Variants in ATP1A2 observed in about 807,000 individuals in gnomAD.
ATP1A2 encodes the protein ATPase Na+/K+ transporting subunit alpha 2.
ATP1A2 carries 56 observed loss-of-function variants against 113.1 expected under a neutral mutation model. The observed-to-expected ratio is 0.49, with a 90% CI of 0.40 to 0.62. ATP1A2 has a LOEUF of 0.62. ATP1A2 is among the 20% of genes least tolerant of loss of function. The pLI is 0.00. For missense variants in ATP1A2, 712 were observed against 1,357.8 expected (o/e 0.52, Z 7.47); for synonymous variants, 490 against 526.8 (o/e 0.93, Z 0.96).
Position 160,124,405 on chromosome 1 carries a change from G to C in ATP1A2, c.605G>C (p.Arg202Pro). The stretch of plus-strand genomic sequence containing the variant: ...GGAGACCGCGTCCCTGCTGACCTCC[G>C]GATCATCTCTTCTCATGGCTGTAAG... ...KGGDRVPADLRIISSHGCKVD... is the reference protein window; with the variant it reads ...KGGDRVPADLPIISSHGCKVD... The change falls in exon 6 of 23, where the codon CGG becomes CCG. Residue 202 changes from arginine (R) to proline (P), a missense_variant. Coordinates refer to ENST00000361216, the MANE Select transcript of ATP1A2 (RefSeq NM_000702.4). 6.2e-7 allele frequency: 1 copy of C among 1,610,836 alleles called. No individual in the cohort carries two copies.
chr1:160,116,904 G>A (rs1486166252), intron 1 of ATP1A2, among the ~76,000 whole-genome samples: 4 of 152,106 alleles, frequency 2.6e-5, no homozygotes, highest in Non-Finnish European at 4.4e-5. Flanking sequence ...CCTGAGCTAG[G>A]GTTGGAGCCA....
Position 160,130,223 on chromosome 1 carries a change from A to G in ATP1A2, c.1583A>G (p.Asp528Gly). The G allele has an allele frequency of 6.2e-7, 1 of 1,614,226 alleles. No individual in the cohort carries two copies. The highest frequency in any genetic ancestry group is 8.5e-7 in the Non-Finnish European group (1 of 1,180,040). ...ILVQGKEIPL[D>G]KEMQDAFQNA... ...GTGCAGGGCAAGGAGATCCCGCTCG[A>G]CAAGGAGATGCAAGATGCCTTTCAA... Residue 528 changes from aspartate (D) to glycine (G), a missense_variant, in exon 12 of 23, where the codon GAC (aspartate) becomes GGC (glycine). Physicochemically the swap from Asp to Gly is moderately conservative, Grantham distance 94 (BLOSUM62 -1). This residue lies in a region of ATP1A2 where 263 missense variants were observed against 380.6 expected (regional missense o/e 0.69). Coordinates refer to ENST00000361216, the MANE Select transcript of ATP1A2 (RefSeq NM_000702.4).
intron 20 of ATP1A2, among the ~76,000 whole-genome samples, chr1:160,137,832 G>GT (rs1285718073): frequency 6.6e-6 from 1 of 151,796 alleles, no homozygotes; most frequent in East Asian, 1.9e-4. Context: ...GCTGGGGAGG[G>GT]TGGGGAGAAG....
At chr1:160,139,543 A>T in intron 20 of ATP1A2, 97 bp from the exon 21 acceptor site, 30 of 983,862 alleles carry the variant, frequency 3.0e-5, no homozygotes, top group Non-Finnish European at 4.2e-5. Context: ...TGTCGTTTAG[A>T]ATTCTCTCTC....
intron 8 of ATP1A2, among the ~76,000 whole-genome samples, chr1:160,128,145 A>G (rs1205504006): frequency 6.6e-6 from 1 of 152,162 alleles, no homozygotes; most frequent in Admixed American, 6.5e-5. Context: ...TAGCAAATCC[A>G]GGGACCTTTT....
chr1:160,115,838 G>A lies in ATP1A2; in HGVS notation c.-24G>A, dbSNP rs755602176. The A allele has an allele frequency of 2.3e-5, 36 of 1,592,454 alleles. No homozygotes were observed. The African/African-American group carries it at 4.0e-4, about 18-fold the overall frequency. ...CCTCCTGGTGACCTCTCCCGCTAAGGTCCCTCAGCCACTCTGCCCCAAGAT... is the reference window on the plus strand; with the variant it reads ...CCTCCTGGTGACCTCTCCCGCTAAGATCCCTCAGCCACTCTGCCCCAAGAT... On this transcript the variant is annotated 5_prime_UTR_variant, in exon 1 of 23. Transcript: ENST00000361216.
At chr1:160,118,801 G>C (rs1312315441) in intron 1 of ATP1A2, among the ~76,000 whole-genome samples, 1 of 151,964 alleles carries the variant, frequency 6.6e-6, no homozygotes, top group Admixed American at 6.6e-5. Context: ...GTACTGGTCA[G>C]ACTTCTACCT....
At chr1:160,123,910 G>T in intron 4 of ATP1A2, 33 bp from the exon 5 acceptor site, 1 of 1,604,490 alleles carries the variant, frequency 6.2e-7, no homozygotes, top group Non-Finnish European at 8.5e-7. Context: ...TTGGGGGGAA[G>T]GTCAGGTCCC....
In ATP1A2 at chr1:160,130,182, G is replaced by A. The variant is rs41288125; in HGVS notation, c.1542G>A (p.Arg514=). ...MKGAPERILD[R]CSTILVQGKE... is the part of the protein sequence containing the mutation. ...GGGCCCCAGAGCGCATTCTGGACCG[G>A]TGCTCCACCATCCTGGTGCAGGGCA... Residue 514 remains arginine, a synonymous_variant, in exon 12 of 23, where the codon CGG becomes CGA. Transcript: ENST00000361216. 3.7e-6 allele frequency: 6 copies of A among 1,614,098 alleles called. No individual in the cohort carries two copies. The highest frequency in any genetic ancestry group is 3.3e-4 in the Middle Eastern group (2 of 6,084).
intron 6 of ATP1A2, 29 bp downstream of exon 6, chr1:160,124,459 T>G (rs1400432706): frequency 6.3e-7 from 1 of 1,588,132 alleles, no homozygotes; most frequent in South Asian, 1.1e-5. Flanking sequence ...AGCAAGCAGT[T>G]GAGTCTAAGG....
chr1:160,120,952 G>A lies in ATP1A2; in HGVS notation c.59G>A (p.Gly20Asp), dbSNP rs1437032305. The change falls in exon 2 of 23, where the codon GGC (glycine) becomes GAC (aspartate). Residue 20 changes from glycine to aspartate, a missense_variant. Transcript: ENST00000361216. ...GCCGCCACCACGGCAGAGAATGGGG[G>A]CGGCAAGAAGAAACAGAAGGAGAAG... Reference protein sequence around the residue: ...SPAATTAENGGGKKKQKEKEL... With the variant: ...SPAATTAENGDGKKKQKEKEL... The A allele has an allele frequency of 3.7e-6, 6 of 1,611,948 alleles. No homozygotes were observed. The highest frequency in any genetic ancestry group is 5.1e-6 in the Non-Finnish European group (6 of 1,178,932).
At position 160,133,232 on chromosome 1, in the gene ATP1A2, C is replaced by T. The variant is rs375045347; in HGVS notation, c.1828-1252C>T. Among the ~76,000 whole-genome samples the T allele has an allele frequency of 3.3e-5, 5 of 152,144 alleles. No homozygotes were observed. In the South Asian group the frequency reaches 6.2e-4, roughly 19 times the overall value. ...CAGGGTTTCAAGGAGAAGAGGTCAACGGTGCCAAATGCCTCAGAGGGGTCA... is the reference window on the plus strand; with the variant it reads ...CAGGGTTTCAAGGAGAAGAGGTCAATGGTGCCAAATGCCTCAGAGGGGTCA... On this transcript the variant is annotated intron_variant, in intron 13 of 22. Coordinates refer to ENST00000361216, the MANE Select transcript of ATP1A2 (RefSeq NM_000702.4).
At chr1:160,123,183 G>A (rs763526997) in intron 3 of ATP1A2, 30 bp from the exon 4 acceptor site, 17 of 1,612,886 alleles carry the variant, frequency 1.1e-5, no homozygotes, top group East Asian at 6.7e-5. Flanking sequence ...CTCCGGATGC[G>A]TGCCCCTACG....
chr1:160,120,757 C>A, intron 1 of ATP1A2, 149 bp from the exon 2 acceptor site: 2 of 740,100 alleles, frequency 2.7e-6, no homozygotes, highest in Non-Finnish European at 4.6e-6. Flanking sequence ...GGCCTAGGGT[C>A]CCTCACCCTC....
rs780057745 is a variant in ATP1A2, at chr1:160,135,800, C to T, written c.2285-39C>T. On this transcript the variant is annotated intron_variant, in intron 16 of 22. Coordinates refer to ENST00000361216, the MANE Select transcript of ATP1A2 (RefSeq NM_000702.4). This position sits in a 1 kb window ranked among gnomAD's most constrained non-coding sequence, Gnocchi z 6.3. ...TCAGGGGCTGGGGGTGGGGAAGAGT[C>T]CCTCTGACCTCCCTGATGCCCTCAG... 1.2e-6 allele frequency: 2 copies of T among 1,613,976 alleles called. No homozygotes were observed. Among genetic ancestry groups the T allele is most frequent in the Non-Finnish European group, 1.7e-6 (2 of 1,179,918 alleles).
intron 13 of ATP1A2, among the ~76,000 whole-genome samples, chr1:160,134,077 CCA>C (rs1198117782): frequency 6.0e-5 from 9 of 148,884 alleles, no homozygotes; most frequent in African/African-American, 1.7e-4. Flanking sequence ...TCCCCACCCC[CCA>C]CACACACATC....
At chr1:160,116,550 C>G (rs962548071) in intron 1 of ATP1A2, among the ~76,000 whole-genome samples, 1 of 151,912 alleles carries the variant, frequency 6.6e-6, no homozygotes, top group Non-Finnish European at 1.5e-5. Context: ...GACCCCCCCC[C>G]CAGTCCACCC....
intron 20 of ATP1A2, among the ~76,000 whole-genome samples, chr1:160,138,537 T>C (rs1652026887): frequency 6.6e-6 from 1 of 152,196 alleles, no homozygotes; most frequent in Non-Finnish European, 1.5e-5. Context: ...AGGTACCTTG[T>C]GTAAGAATAC....
At position 160,120,949 on chromosome 1, in the gene ATP1A2, G is replaced by A; in HGVS notation, c.56G>A (p.Gly19Glu). The change falls in exon 2 of 23, where the codon GGG becomes GAG. Residue 19 changes from glycine (G) to glutamate (E), a missense_variant. By Grantham distance (98) the Gly-to-Glu change is moderately conservative. This residue lies in a region of ATP1A2 where 109 missense variants were observed against 162.3 expected (regional missense o/e 0.67). Transcript: ENST00000361216. ...YSPAATTAEN[G>E]GGKKKQKEKE... The stretch of plus-strand genomic sequence containing the variant: ...CCTGCCGCCACCACGGCAGAGAATG[G>A]GGGCGGCAAGAAGAAACAGAAGGAG... The A allele has an allele frequency of 3.1e-6, 5 of 1,611,426 alleles. No homozygotes were observed. Among genetic ancestry groups the A allele is most frequent in the Non-Finnish European group, 4.2e-6 (5 of 1,178,712 alleles).
Sources: allele counts gnomAD v4.1 joint callset (sites outside exome capture counted in the v4.1 genomes callset), GRCh38; gene constraint gnomAD v4.1.1; regional missense constraint gnomAD v4.1.1; non-coding constraint Gnocchi (gnomAD v3.1); transcripts MANE v1.5; gene names NCBI Gene and HGNC (gene_info 2026-07-23, HGNC 2026-07-21).